ATRNL1: variants seen among roughly 807,000 people sequenced by gnomAD.
ATRNL1 encodes attractin-like protein 1.
In ATRNL1, 95 loss-of-function variants were observed where a neutral mutation model predicts 182.7. The ratio of observed to expected loss-of-function variants is 0.52; its 90% confidence interval spans 0.44 to 0.62. The LOEUF (loss-of-function observed/expected upper bound fraction) is 0.62. Ranked by LOEUF, ATRNL1 falls within the 20% of genes least tolerant of loss-of-function variation. The pLI, the probability that ATRNL1 is intolerant of heterozygous loss-of-function variation, is 0.00. For missense variants in ATRNL1, 1,471 were observed against 1,679.5 expected (o/e 0.88, Z 2.17); for synonymous variants, 576 against 568.3 (o/e 1.01, Z -0.19).
intron 28 of ATRNL1, among the ~76,000 whole-genome samples, chr10:115,890,401 C>CT (rs1555110884): frequency 6.6e-6 from 1 of 152,210 alleles, no homozygotes; most frequent in African/African-American, 2.4e-5. Context: ...CTCTACCACT[C>CT]TCATTCATCA....
intron 24 of ATRNL1, among the ~76,000 whole-genome samples, chr10:115,488,592 T>C (rs192535185): frequency 5.3e-5 from 8 of 152,280 alleles, no homozygotes; most frequent in Middle Eastern, 3.4e-3. Context: ...TTTTATTGTA[T>C]CTATTTGATC....
intron 25 of ATRNL1, among the ~76,000 whole-genome samples, chr10:115,547,059 G>T (rs1852698165): frequency 6.6e-6 from 1 of 151,802 alleles, no homozygotes; most frequent in African/African-American, 2.4e-5. Flanking sequence ...TTCGAGTGCA[G>T]CCTGGCCAAC....
At chr10:115,393,828 G>A (rs945461518) in intron 19 of ATRNL1, among the ~76,000 whole-genome samples, 1 of 152,044 alleles carries the variant, frequency 6.6e-6, no homozygotes, top group Non-Finnish European at 1.5e-5. Context: ...TAAGTGTGAG[G>A]TTTATGTCCT....
Position 115,334,409 on chromosome 10 carries a change from A to C in ATRNL1, c.3165A>C (p.Gly1055=), listed in dbSNP as rs1209550989. The C allele has an allele frequency of 6.3e-7, 1 of 1,590,740 alleles. No individual in the cohort carries two copies. Among genetic ancestry groups the C allele is most frequent in the Non-Finnish European group, 8.6e-7 (1 of 1,166,132 alleles). ...PGYYGDPTNG[G]QCTACTCSGH... is the part of the protein sequence containing the mutation. ...ATTATGGAGATCCAACCAATGGTGG[A>C]CAGTGCACAGGTAAGTTTCTTTTAA... Residue 1055 remains glycine, a synonymous_variant, in exon 19 of 29, where the codon GGA becomes GGC. Coordinates refer to ENST00000355044, the MANE Select transcript of ATRNL1 (RefSeq NM_207303.4).
intron 11 of ATRNL1, among the ~76,000 whole-genome samples, chr10:115,266,594 T>A (rs1476142013): frequency 2.0e-5 from 3 of 151,738 alleles, no homozygotes; most frequent in Admixed American, 1.3e-4. Context: ...GTCTGGAAAG[T>A]CTTCAAGAAA....
chr10:115,175,999 A>G (rs578202576), intron 8 of ATRNL1, among the ~76,000 whole-genome samples: 2 of 152,122 alleles, frequency 1.3e-5, no homozygotes, highest in South Asian at 2.1e-4. Flanking sequence ...AATGATCGCC[A>G]TTCTAACTGG....
At chr10:115,583,688 A>G (rs1226270748) in intron 26 of ATRNL1, among the ~76,000 whole-genome samples, 16 of 149,018 alleles carry the variant, frequency 1.1e-4, no homozygotes, top group Non-Finnish European at 2.1e-4. Flanking sequence ...CAATCATGTC[A>G]TCTGCAAACG....
intron 26 of ATRNL1, among the ~76,000 whole-genome samples, chr10:115,573,436 A>G (rs576354418): frequency 1.3e-5 from 2 of 151,354 alleles, no homozygotes; most frequent in East Asian, 2.0e-4. Context: ...CAGGGTTTAC[A>G]TGGGGGCAGG....
chr10:115,491,689 CG>C (rs1849307364), intron 24 of ATRNL1, among the ~76,000 whole-genome samples: 1 of 152,154 alleles, frequency 6.6e-6, no homozygotes, highest in African/African-American at 2.4e-5. Context: ...GGGGTCTGTC[CG>C]GGTAGGACCA....
chr10:115,365,457 C>T (rs868921137), intron 19 of ATRNL1, among the ~76,000 whole-genome samples: 27 of 151,804 alleles, frequency 1.8e-4, no homozygotes, highest in Middle Eastern at 3.4e-3. Flanking sequence ...TTTGTTGATC[C>T]TTTCAAAAAA....
chr10:115,258,426 C>T (rs572114799), intron 10 of ATRNL1, among the ~76,000 whole-genome samples: 12 of 152,126 alleles, frequency 7.9e-5, no homozygotes, highest in Non-Finnish European at 1.3e-4. Context: ...CTTGTGCATG[C>T]GTCATGAAGT....
At chr10:115,573,190 TG>T (rs1480493907) in intron 26 of ATRNL1, among the ~76,000 whole-genome samples, 2 of 152,092 alleles carry the variant, frequency 1.3e-5, no homozygotes, top group African/African-American at 4.8e-5. Context: ...GTGGTAGAGG[TG>T]GCTCTCAGTG....
intron 26 of ATRNL1, among the ~76,000 whole-genome samples, chr10:115,671,218 T>C (rs1419778944): frequency 6.6e-6 from 1 of 152,114 alleles, no homozygotes; most frequent in Non-Finnish European, 1.5e-5. Flanking sequence ...CCAAAGCCTT[T>C]TGATGAATTT....
intron 26 of ATRNL1, among the ~76,000 whole-genome samples, chr10:115,587,040 G>T (rs74573631): frequency 5.4e-5 from 8 of 147,284 alleles, no homozygotes; most frequent in South Asian, 4.5e-4. Flanking sequence ...GCCCCTACTG[G>T]GGGGTGCCTC....
chr10:115,206,591 T>C (rs782357093), intron 8 of ATRNL1, among the ~76,000 whole-genome samples: 1 of 152,156 alleles, frequency 6.6e-6, no homozygotes, highest in Non-Finnish European at 1.5e-5. Context: ...ATTATCATTT[T>C]AGAGAGATAA....
In ATRNL1 at chr10:115,426,277, T is replaced by G; in HGVS notation, c.3297T>G (p.Gly1099=). The G allele has an allele frequency of 1.2e-6, 2 of 1,612,216 alleles. No homozygotes were observed. The highest frequency in any genetic ancestry group is 2.2e-5 in the South Asian group (2 of 90,956). ...QLCDSENRYV[G]NPLRGTCYYS... Reference sequence around the variant, plus strand: ...GTGACTCTGAAAATCGCTATGTTGGTAATCCACTTAGAGGAACATGTTATT... The same window carrying G: ...GTGACTCTGAAAATCGCTATGTTGGGAATCCACTTAGAGGAACATGTTATT... Residue 1099 remains glycine (G), a synonymous_variant, in exon 21 of 29, where the codon GGT becomes GGG. Transcript: ENST00000355044.
Position 115,661,878 on chromosome 10 carries a change from G to A in ATRNL1, c.3796-65370G>A, listed in dbSNP as rs370671804. 3.3e-5 allele frequency among the ~76,000 whole-genome samples: 5 copies of A among 151,722 alleles called. 1 individual carries two copies. The highest frequency in any genetic ancestry group is 1.2e-4 in the African/African-American group (5 of 41,350). On this transcript the variant is annotated intron_variant, in intron 26 of 28. Transcript: ENST00000355044. ...GTTGGTGTGCTGCACCCATTACCTCGTTATTTAACACGAGGTATATCTCCT... is the reference window on the plus strand; with the variant it reads ...GTTGGTGTGCTGCACCCATTACCTCATTATTTAACACGAGGTATATCTCCT...
chr10:115,188,879 A>G (rs1554889299), intron 8 of ATRNL1, among the ~76,000 whole-genome samples: 2 of 152,174 alleles, frequency 1.3e-5, no homozygotes, highest in African/African-American at 4.8e-5. Context: ...TCCAGTTTAG[A>G]AACAATTCAA....
chr10:115,299,999 CT>C (rs1208605689), intron 15 of ATRNL1, 34 bp from the exon 16 acceptor site: 1 of 1,502,630 alleles, frequency 6.7e-7, no homozygotes, highest in Non-Finnish European at 9.2e-7. Flanking sequence ...TTACATCTAA[CT>C]TTCTTTGAAT....
Sources: allele counts gnomAD v4.1 joint callset (sites outside exome capture counted in the v4.1 genomes callset), GRCh38; gene constraint gnomAD v4.1.1; transcripts MANE v1.5; gene names NCBI Gene and HGNC (gene_info 2026-07-23, HGNC 2026-07-21).